KRT85: variants seen among roughly 807,000 people sequenced by gnomAD.
KRT85 encodes keratin, type II cuticular Hb5.
KRT85 carries 39 observed loss-of-function variants against 53.7 expected under a neutral mutation model. The observed-to-expected ratio is 0.73, with a 90% CI of 0.56 to 0.95. The LOEUF (loss-of-function observed/expected upper bound fraction) is 0.95. Ranked by LOEUF, KRT85 falls within the 40% of genes least tolerant of loss-of-function variation. The pLI, the probability that KRT85 is intolerant of heterozygous loss-of-function variation, is 0.00. For missense variants in KRT85, 668 were observed against 686.0 expected (o/e 0.97, Z 0.29); for synonymous variants, 291 against 277.5 (o/e 1.05, Z -0.48).
chr12:52,365,125 G>C lies in KRT85; in HGVS notation c.466C>G (p.Gln156Glu), dbSNP rs185140452. Reference sequence around the variant, plus strand: ...CAGCAGCGCTGGTTCTGGTAGAACTGCCACTTGGTCTCCAGCAGCTTGTTC... The same window carrying C: ...CAGCAGCGCTGGTTCTGGTAGAACTCCCACTTGGTCTCCAGCAGCTTGTTC... Reference protein sequence around the residue: ...QQNKLLETKWQFYQNQRCCES... With the variant: ...QQNKLLETKWEFYQNQRCCES... Residue 156 changes from glutamine (Q) to glutamate (E), a missense_variant, in exon 2 of 9, where the codon CAG (glutamine) becomes GAG (glutamate). Physicochemically the swap from Gln to Glu is conservative, Grantham distance 29. This residue lies in a region of KRT85 where 488 missense variants were observed against 498.1 expected (regional missense o/e 0.98). Transcript: ENST00000257901. The C allele has an allele frequency of 6.2e-7, 1 of 1,614,236 alleles. No individual in the cohort carries two copies. The highest frequency in any genetic ancestry group is 1.7e-5 in the Admixed American group (1 of 60,034).
At position 52,362,442 on chromosome 12, in the gene KRT85, C is replaced by T. The variant is rs991026034; in HGVS notation, c.1107G>A (p.Glu369=). The T allele has an allele frequency of 6.2e-7, 1 of 1,614,178 alleles. No individual in the cohort carries two copies. Among genetic ancestry groups the T allele is most frequent in the Non-Finnish European group, 8.5e-7 (1 of 1,180,028 alleles). ...GGGCCGCCTCACCCTGCTGCTCTGC[C>T]TCAGCCACAGCAGCCTCCAGCTTGG... The part of the protein sequence containing the change: ...QRAKLEAAVA[E]AEQQGEAALS... Residue 369 remains glutamate (E), a synonymous_variant, in exon 7 of 9, where the codon GAG becomes GAA. Transcript: ENST00000257901.
At chr12:52,362,539 G>A (rs2121400373) in intron 6 of KRT85, 68 bp from the exon 7 acceptor site, 4 of 1,584,298 alleles carry the variant, frequency 2.5e-6, no homozygotes, top group Non-Finnish European at 2.6e-6. Flanking sequence ...CCAAGCTGAT[G>A]GAGCCAGGGC....
chr12:52,366,017 G>T (rs1430912365), intron 1 of KRT85, among the ~76,000 whole-genome samples: 1 of 152,112 alleles, frequency 6.6e-6, no homozygotes, highest in Non-Finnish European at 1.5e-5. Context: ...CTGATCCTAG[G>T]CCCCCAAAGC....
intron 3 of KRT85, 68 bp downstream of exon 3, chr12:52,364,238 G>A: frequency 7.4e-6 from 12 of 1,612,566 alleles, no homozygotes; most frequent in South Asian, 2.2e-5. Context: ...TCAGCATGGT[G>A]ACCCTGCCCC....
Position 52,363,256 on chromosome 12 carries a change from T to C in KRT85, c.941A>G (p.Tyr314Cys). 2 of 1,614,172 alleles carry C rather than the reference T, an allele frequency of 1.2e-6. No individual in the cohort carries two copies. The highest frequency in any genetic ancestry group is 1.7e-6 in the Non-Finnish European group (2 of 1,180,014). Reference protein sequence around the residue: ...SRSRAEAESWYRSKCEEMKAT... With the variant: ...SRSRAEAESWCRSKCEEMKAT... The stretch of plus-strand genomic sequence containing the variant: ...TCCTGTGCCACTCACCTTGCTACGG[T>C]ACCAGGACTCAGCCTCGGCCCGGCT... Residue 314 changes from tyrosine (Y) to cysteine (C), a missense_variant, in exon 5 of 9, where the codon TAC becomes TGC. Physicochemically the swap from Tyr to Cys is radical, Grantham distance 194 (BLOSUM62 -2). Coordinates refer to ENST00000257901, the MANE Select transcript of KRT85 (RefSeq NM_002283.4).
At position 52,363,484 on chromosome 12, in the gene KRT85, G is replaced by A. The variant is rs1176925604; in HGVS notation, c.787-74C>T. 4 of 1,546,284 alleles carry A rather than the reference G, an allele frequency of 2.6e-6. No homozygotes were observed. The Admixed American group carries it at 5.1e-5, about 20-fold the overall frequency. ...CACGTGATCCACCCCAGGGGACAATGTCCACTTCCCAGACCGGGCACTGGT... is the reference window on the plus strand; with the variant it reads ...CACGTGATCCACCCCAGGGGACAATATCCACTTCCCAGACCGGGCACTGGT... On this transcript the variant is annotated intron_variant, in intron 4 of 8. Coordinates refer to ENST00000257901, the MANE Select transcript of KRT85 (RefSeq NM_002283.4).
Position 52,360,466 on chromosome 12 carries a change from G to T in KRT85, c.*387C>A, listed in dbSNP as rs548162437. ...CTTTCTCCCTGATTCTCGGGTTGTG[G>T]GTGGCCTGGCTGGATGGTTAGGATG... is the stretch of plus-strand genomic sequence containing the variant. On this transcript the variant is annotated 3_prime_UTR_variant, in exon 9 of 9. Coordinates refer to ENST00000257901, the MANE Select transcript of KRT85 (RefSeq NM_002283.4). 2.7e-4 allele frequency: 73 copies of T among 265,612 alleles called. No individual in the cohort carries two copies. Among genetic ancestry groups the T allele is most frequent in the South Asian group, 4.4e-5 (1 of 22,866 alleles). 16.5% of individuals were successfully genotyped at this position (265,612 alleles called of 1,614,324 possible).
At chr12:52,365,978 G>A (rs575949204) in intron 1 of KRT85, among the ~76,000 whole-genome samples, 1 of 152,160 alleles carries the variant, frequency 6.6e-6, no homozygotes, top group African/African-American at 2.4e-5. Flanking sequence ...GAGTGAAAAC[G>A]TGAAGGTGAC....
chr12:52,360,522 G>GCTCT lies in KRT85; in HGVS notation c.*330_*331insAGAG. 2.7e-6 allele frequency: 1 copy of GCTCT among 367,394 alleles called. No homozygotes were observed. The highest frequency in any genetic ancestry group is 5.1e-6 in the Non-Finnish European group (1 of 194,610). 22.8% of individuals were successfully genotyped at this position (367,394 alleles called of 1,614,324 possible). On this transcript the variant is annotated 3_prime_UTR_variant, in exon 9 of 9. Coordinates refer to ENST00000257901, the MANE Select transcript of KRT85 (RefSeq NM_002283.4). ...TCCACCCAGAAGGTGGAGCTTCCGT[G>GCTCT]CTGACCACCACGCTGGGGGACTGGT...
At chr12:52,364,673 C>T (rs1939245787) in intron 2 of KRT85, 4 of 1,437,266 alleles carry the variant, frequency 2.8e-6, no homozygotes, top group Non-Finnish European at 3.6e-6. Flanking sequence ...GATCACAGAG[C>T]CCATGTCATA....
At chr12:52,362,563 T>C (rs1592141271) in intron 6 of KRT85, 92 bp from the exon 7 acceptor site, 1 of 1,511,926 alleles carries the variant, frequency 6.6e-7, no homozygotes, top group Non-Finnish European at 9.1e-7. Context: ...GAGAGGAGGG[T>C]CCTGGAGAGA....
Position 52,364,176 on chromosome 12 carries a change from C to A in KRT85, c.691-13G>T, listed in dbSNP as rs2121404460. On this transcript the variant is annotated splice_polypyrimidine_tract_variant and intron_variant, in intron 3 of 8. Coordinates refer to ENST00000257901, the MANE Select transcript of KRT85 (RefSeq NM_002283.4). Reference sequence around the variant, plus strand: ...CACAGTCCACGTCCTGGCCGTGGGACAAAGAGGAGGGGACATGCATGTGAG... The same window carrying A: ...CACAGTCCACGTCCTGGCCGTGGGAAAAAGAGGAGGGGACATGCATGTGAG... 2 of 1,614,034 alleles carry A rather than the reference C, an allele frequency of 1.2e-6. No homozygotes were observed. The highest frequency in any genetic ancestry group is 1.7e-6 in the Non-Finnish European group (2 of 1,179,880).
chr12:52,363,868 T>G (rs1939231781), intron 4 of KRT85, among the ~76,000 whole-genome samples, 200 bp downstream of exon 4: 2 of 152,160 alleles, frequency 1.3e-5, no homozygotes, highest in African/African-American at 4.8e-5. Flanking sequence ...CCCAAGAACA[T>G]GTACACCCCA....
rs1417840832 is a variant in KRT85, at chr12:52,364,075, T to G, written c.779A>C (p.Tyr260Ser). Residue 260 changes from tyrosine to serine, a missense_variant, in exon 4 of 9, where the codon TAT (tyrosine) becomes TCT (serine). Transcript: ENST00000257901. Reference protein sequence around the residue: ...VEESSFLRRLYEEEIRVLQAH... With the variant: ...VEESSFLRRLSEEEIRVLQAH... ...TGGCAGTTGCCCCCTTACCTCTTCA[T>G]AGAGGCGCCTCAGGAAGCTAGACTC... is the stretch of plus-strand genomic sequence containing the variant. 1 of 1,613,466 alleles carries G rather than the reference T, an allele frequency of 6.2e-7. No individual in the cohort carries two copies. The highest frequency in any genetic ancestry group is 1.1e-5 in the South Asian group (1 of 91,054).
At position 52,362,451 on chromosome 12, in the gene KRT85, A is replaced by AGCAGCCTCCAGCTTG; in HGVS notation, c.1083_1097dup (p.Lys362_Ala366dup). 6.2e-7 allele frequency: 1 copy of AGCAGCCTCCAGCTTG among 1,614,186 alleles called. No homozygotes were observed. The highest frequency in any genetic ancestry group is 8.5e-7 in the Non-Finnish European group (1 of 1,180,032). ...CACCCTGCTGCTCTGCCTCAGCCAC[A>AGCAGCCTCCAGCTTG]GCAGCCTCCAGCTTGGCACGCTATC... is the stretch of plus-strand genomic sequence containing the variant. On this transcript the variant is annotated inframe_insertion, in exon 7 of 9. Coordinates refer to ENST00000257901, the MANE Select transcript of KRT85 (RefSeq NM_002283.4).
chr12:52,360,701 G>A lies in KRT85; in HGVS notation c.*152C>T, dbSNP rs949564024. The A allele has an allele frequency of 4.8e-6, 4 of 837,698 alleles. No individual in the cohort carries two copies. The highest frequency in any genetic ancestry group is 1.7e-5 in the African/African-American group (1 of 59,762). 51.9% of individuals were successfully genotyped at this position (837,698 alleles called of 1,614,324 possible). ...CTAGCATGAAAAGGCGCAGGGGAGCGGCCCGAGGGTCTTTCCCTCTGTAGG... is the reference window on the plus strand; with the variant it reads ...CTAGCATGAAAAGGCGCAGGGGAGCAGCCCGAGGGTCTTTCCCTCTGTAGG... On this transcript the variant is annotated 3_prime_UTR_variant, in exon 9 of 9. Coordinates refer to ENST00000257901, the MANE Select transcript of KRT85 (RefSeq NM_002283.4).
chr12:52,366,941 G>C (rs1033849918), intron 1 of KRT85, 45 bp downstream of exon 1: 1 of 1,613,810 alleles, frequency 6.2e-7, no homozygotes, highest in Admixed American at 1.7e-5. Flanking sequence ...CCCCAAGGGA[G>C]GACAGGGCTG....
intron 7 of KRT85, among the ~76,000 whole-genome samples, chr12:52,362,036 GA>G (rs929118806): frequency 6.6e-6 from 1 of 152,148 alleles, no homozygotes; most frequent in African/African-American, 2.4e-5. Flanking sequence ...AAAAAGATGG[GA>G]AAAACCATAT....
intron 3 of KRT85, 31 bp downstream of exon 3, chr12:52,364,275 C>A: frequency 6.2e-7 from 1 of 1,614,028 alleles, no homozygotes; most frequent in Non-Finnish European, 8.5e-7. Context: ...TGATGGGCCC[C>A]CTCCTCCTTG....
Sources: gnomAD v4.1 joint callset for allele counts (sites outside exome capture counted in the v4.1 genomes callset) on GRCh38, gnomAD v4.1.1 for gene constraint, gnomAD v4.1.1 regional missense constraint, MANE v1.5 for transcripts, NCBI Gene and HGNC (gene_info 2026-07-23, HGNC 2026-07-21) for gene names.